ASB15: variants seen among roughly 807,000 people sequenced by gnomAD.
The protein encoded by ASB15 is ankyrin repeat and SOCS box containing 15.
A neutral mutation model predicts 58.0 loss-of-function variants in ASB15; 54 were observed. The ratio of observed to expected loss-of-function variants is 0.93; its 90% CI spans 0.75 to 1.17. The LOEUF is 1.17. ASB15 is among the 50% of genes most tolerant of loss of function. The pLI, the probability that ASB15 is intolerant of heterozygous loss-of-function variation, is 0.00. For synonymous variants in ASB15, 249 were observed against 262.4 expected (o/e 0.95, Z 0.50); for missense variants, 680 against 707.4 (o/e 0.96, Z 0.44).
chr7:123,623,255 T>G (rs1801453985), intron 7 of ASB15: 1 of 152,226 alleles, frequency 6.6e-6, no homozygotes, highest in Non-Finnish European at 1.5e-5. Flanking sequence ...TGAGTGAATG[T>G]AACTGTGTAC....
chr7:123,592,810 A>G lies in ASB15; in HGVS notation c.-442-11222A>G, dbSNP rs545603144. ...TAGATGTGCATTACGTCTGAATTCA[A>G]GTCCTGGATATCCTTGTTAATTTTC... On this transcript the variant is annotated intron_variant, in intron 1 of 13. Transcript: ENST00000451558. Among the ~76,000 whole-genome samples the G allele has an allele frequency of 2.3e-4, 35 of 151,428 alleles. No homozygotes were observed. In the South Asian group the frequency reaches 7.1e-3, roughly 31 times the overall value.
chr7:123,594,075 A>G (rs1799624316), intron 1 of ASB15, among the ~76,000 whole-genome samples: 1 of 151,888 alleles, frequency 6.6e-6, no homozygotes. Flanking sequence ...CAAATCAGCT[A>G]CTGAAGCTTG....
chr7:123,574,364 C>T (rs368912526), intron 1 of ASB15, among the ~76,000 whole-genome samples: 1 of 152,132 alleles, frequency 6.6e-6, no homozygotes, highest in African/African-American at 2.4e-5. Flanking sequence ...GTCGGAATCA[C>T]CTGAGGACTT....
chr7:123,580,182 G>T (rs998265663), intron 1 of ASB15, among the ~76,000 whole-genome samples: 4 of 151,986 alleles, frequency 2.6e-5, no homozygotes, highest in African/African-American at 9.7e-5. Flanking sequence ...GCATTTGAAA[G>T]GACAAGATGA....
chr7:123,584,239 G>A (rs950664521), intron 1 of ASB15, among the ~76,000 whole-genome samples: 4 of 145,368 alleles, frequency 2.8e-5, no homozygotes, highest in East Asian at 4.1e-4. Flanking sequence ...TGAAGCCCAG[G>A]TAATCAAGGC....
chr7:123,627,645 T>G (rs934696577), intron 9 of ASB15, among the ~76,000 whole-genome samples: 3 of 152,246 alleles, frequency 2.0e-5, no homozygotes, highest in Non-Finnish European at 2.9e-5. Flanking sequence ...GATTAAAATT[T>G]GTAGCAATAC....
intron 1 of ASB15, among the ~76,000 whole-genome samples, chr7:123,573,520 T>C (rs1254984606): frequency 6.6e-6 from 1 of 152,136 alleles, no homozygotes; most frequent in Admixed American, 6.5e-5. Flanking sequence ...GCTGGTGTGC[T>C]GATCTGTGAG....
intron 1 of ASB15, among the ~76,000 whole-genome samples, chr7:123,583,165 A>G (rs1317866667): frequency 6.6e-6 from 1 of 151,988 alleles, no homozygotes; most frequent in Admixed American, 6.6e-5. Context: ...CTGAGGCAAG[A>G]GGATTGCTTG....
At chr7:123,625,661 CT>C (rs1455351412) in intron 8 of ASB15, among the ~76,000 whole-genome samples, 3 of 152,142 alleles carry the variant, frequency 2.0e-5, no homozygotes, top group Non-Finnish European at 2.9e-5. Flanking sequence ...TGACACTGCC[CT>C]TTCTTAAACC....
intron 11 of ASB15, among the ~76,000 whole-genome samples, chr7:123,631,178 T>A (rs1802096705): frequency 6.6e-6 from 1 of 152,174 alleles, no homozygotes; most frequent in Non-Finnish European, 1.5e-5. Flanking sequence ...GCCATCCTAG[T>A]TGTGTGACTT....
intron 1 of ASB15, among the ~76,000 whole-genome samples, chr7:123,576,257 T>G (rs1158607192): frequency 1.3e-5 from 2 of 151,922 alleles, no homozygotes; most frequent in African/African-American, 4.8e-5. Context: ...TTTAATTTGA[T>G]CTTCCTCTAT....
At chr7:123,623,386 A>G (rs889201293) in intron 7 of ASB15, among the ~76,000 whole-genome samples, 5 of 152,168 alleles carry the variant, frequency 3.3e-5, no homozygotes, top group Admixed American at 2.6e-4. Context: ...TCTCTTAATA[A>G]TCCAAAAGGG....
intron 1 of ASB15, among the ~76,000 whole-genome samples, chr7:123,587,458 T>G (rs180936432): frequency 1.3e-5 from 2 of 148,226 alleles, no homozygotes; most frequent in Non-Finnish European, 3.0e-5. Flanking sequence ...GTCTTTGAGG[T>G]TTTTTTTTTA....
rs141423869 is a variant in ASB15 at position 123,625,724 on chromosome 7, C to T, written c.697+910C>T. On this transcript the variant is annotated intron_variant, in intron 8 of 11. Transcript: ENST00000451215. ...ACCATGAGTTAAGGAGACCTGACTCCTAAACTGGTTGAGCCACTACTCACT... is the reference window on the plus strand; with the variant it reads ...ACCATGAGTTAAGGAGACCTGACTCTTAAACTGGTTGAGCCACTACTCACT... Among the ~76,000 whole-genome samples the T allele has an allele frequency of 5.4e-3, 826 of 152,228 alleles. 9 individuals carry two copies. The highest frequency in any genetic ancestry group is 0.019 in the African/African-American group (789 of 41,530).
chr7:123,629,929 A>G lies in ASB15; in HGVS notation c.1441-37A>G, dbSNP rs778997682. 3 of 1,462,256 alleles carry G rather than the reference A, an allele frequency of 2.1e-6. No individual in the cohort carries two copies. The Admixed American group carries it at 5.5e-5, about 27-fold the overall frequency. 90.6% of individuals were successfully genotyped at this position (1,462,256 alleles called of 1,614,324 possible). A position where few individuals can be genotyped will look rare whatever the true frequency, so the allele number is the denominator to read the frequency against. ...TTGAGTGTTTATGTATATGATATTA[A>G]AAATACTACTAAATTAAATTTTATC... On this transcript the variant is annotated intron_variant, in intron 10 of 11. Transcript: ENST00000451215.
rs1454611006 is a variant in ASB15, at chr7:123,639,047, T to G, written c.*2066T>G. 1 of 152,146 alleles carries G rather than the reference T, an allele frequency of 6.6e-6. No homozygotes were observed. The highest frequency in any genetic ancestry group is 1.5e-5 in the Non-Finnish European group (1 of 68,020). The allele number at this position is 152,146 out of a possible 1,614,324, so 9.4% of individuals were successfully genotyped here. On this transcript the variant is annotated 3_prime_UTR_variant, in exon 12 of 12. Transcript: ENST00000451215. ...GAAATAATAGTTTTAAATTTCTGAG[T>G]GAGTTATGTAATCTTGTAATTATTT...
intron 1 of ASB15, among the ~76,000 whole-genome samples, chr7:123,568,681 G>A (rs907673894): frequency 1.3e-5 from 2 of 151,964 alleles, no homozygotes; most frequent in African/African-American, 4.8e-5. Flanking sequence ...AGTGATGAAA[G>A]GCAAAAATGT....
chr7:123,575,643 CA>C (rs1799042922), intron 1 of ASB15, among the ~76,000 whole-genome samples: 1 of 151,908 alleles, frequency 6.6e-6, no homozygotes, highest in South Asian at 2.1e-4. Flanking sequence ...TTGGTTGTAA[CA>C]ATATGTTTGT....
Position 123,627,144 on chromosome 7 carries a change from G to A in ASB15, c.732G>A (p.Ala244=), listed in dbSNP as rs373328275. 30 of 1,613,708 alleles carry A rather than the reference G, an allele frequency of 1.9e-5. No homozygotes were observed. Among genetic ancestry groups the A allele is most frequent in the African/African-American group, 5.3e-5 (4 of 74,872 alleles). ...TGCTTGCTTTGGCGGATGATGGGGC[G>A]TCGGTGCTGTTTGAGGCAGCAGGAG... ...GDVLALADDG[A]SVLFEAAGGG... Residue 244 remains alanine (A), a synonymous_variant, in exon 9 of 12, where the codon GCG becomes GCA. Transcript: ENST00000451215.
Sources: allele counts gnomAD v4.1 joint callset (sites outside exome capture counted in the v4.1 genomes callset), GRCh38; gene constraint gnomAD v4.1.1; transcripts MANE v1.5; gene names NCBI Gene and HGNC (gene_info 2026-07-23, HGNC 2026-07-21).